The following MGMT variants were observed in gnomAD, a reference collection of about 807,000 sequenced individuals.
MGMT encodes methylated-DNA--protein-cysteine methyltransferase.
Under a neutral mutation model 15.9 loss-of-function variants are expected in MGMT, and 14 were observed. The ratio of observed to expected loss-of-function variants is 0.88; its 90% CI spans 0.58 to 1.37. The LOEUF is 1.37. Among genes scored for constraint, MGMT ranks in the 40% most tolerant of loss-of-function variants. The pLI is 0.00. For synonymous variants in MGMT, 130 were observed against 118.2 expected, an observed-to-expected ratio of 1.10 and a Z score of -0.65; for missense variants, 282 against 268.1, an observed-to-expected ratio of 1.05 and a Z score of -0.36.
chr10:129,539,802 G>A (rs544701476), intron 2 of MGMT, among the ~76,000 whole-genome samples: 4 of 152,274 alleles, frequency 2.6e-5, no homozygotes, highest in African/African-American at 4.8e-5. Context: ...CACCGCGCCC[G>A]GCCTGTGATA....
intron 2 of MGMT, among the ~76,000 whole-genome samples, chr10:129,674,384 C>T (rs1847761144): frequency 6.6e-6 from 1 of 152,146 alleles, no homozygotes; most frequent in South Asian, 2.1e-4. Context: ...GGAAGCCAGT[C>T]ACGAATCGGC....
intron 1 of MGMT, among the ~76,000 whole-genome samples, chr10:129,498,353 C>T (rs1324604404): frequency 2.0e-5 from 3 of 152,206 alleles, no homozygotes; most frequent in Admixed American, 6.5e-5. Context: ...CTCAGGCTTT[C>T]ACCCACTCAT....
chr10:129,603,374 G>C (rs186645073), intron 2 of MGMT, among the ~76,000 whole-genome samples: 1 of 152,200 alleles, frequency 6.6e-6, no homozygotes, highest in Non-Finnish European at 1.5e-5. Context: ...GACTGAGCGC[G>C]TTGGGTTGAT....
chr10:129,716,957 G>C (rs182728374), intron 3 of MGMT, among the ~76,000 whole-genome samples: 1 of 152,202 alleles, frequency 6.6e-6, no homozygotes, highest in Non-Finnish European at 1.5e-5. Context: ...AAGAAAAAAG[G>C]CCGCATTGAC....
At chr10:129,683,572 A>T (rs537992819) in intron 2 of MGMT, among the ~76,000 whole-genome samples, 2 of 152,304 alleles carry the variant, frequency 1.3e-5, no homozygotes, top group African/African-American at 2.4e-5. Flanking sequence ...ATACTTTCTT[A>T]ATTCAGCCTC....
chr10:129,632,987 T>G (rs1264550087), intron 2 of MGMT, among the ~76,000 whole-genome samples: 1 of 152,178 alleles, frequency 6.6e-6, no homozygotes, highest in Non-Finnish European at 1.5e-5. Flanking sequence ...TAAAACAAAA[T>G]GCTGTTTTTC....
chr10:129,498,741 C>T lies in MGMT; in HGVS notation c.-13+31445C>T, dbSNP rs78398961. ...AGGTGTATCTTGTGTTTTCCCTGCCCCAGCCCTGGATTCAGTCACTTCTCC... is the reference window on the plus strand; with the variant it reads ...AGGTGTATCTTGTGTTTTCCCTGCCTCAGCCCTGGATTCAGTCACTTCTCC... On this transcript the variant is annotated intron_variant, in intron 1 of 4. Coordinates refer to ENST00000651593, the MANE Select transcript of MGMT (RefSeq NM_002412.5). Among the ~76,000 whole-genome samples the T allele has an allele frequency of 3.5e-3, 540 of 152,192 alleles. 6 individuals carry two copies. Among genetic ancestry groups the T allele is most frequent in the African/African-American group, 0.012 (509 of 41,534 alleles).
intron 2 of MGMT, among the ~76,000 whole-genome samples, chr10:129,543,020 A>C (rs1184477417): frequency 1.3e-5 from 2 of 152,310 alleles, no homozygotes; most frequent in East Asian, 3.9e-4. Flanking sequence ...CTCGTCTTTC[A>C]GGTTGATGGC....
intron 2 of MGMT, among the ~76,000 whole-genome samples, chr10:129,686,539 T>G (rs1356082262): frequency 1.3e-5 from 2 of 152,148 alleles, no homozygotes; most frequent in Non-Finnish European, 2.9e-5. Flanking sequence ...CACATCCGAC[T>G]AATTTTTGTA....
intron 3 of MGMT, among the ~76,000 whole-genome samples, chr10:129,744,469 C>T (rs114962516): frequency 0.013 from 1,963 of 152,338 alleles, 40 homozygotes; most frequent in African/African-American, 0.044. Context: ...GCAGGTCACC[C>T]ACTGGCTGGC....
intron 3 of MGMT, among the ~76,000 whole-genome samples, chr10:129,752,219 G>A (rs537071658): frequency 1.3e-5 from 2 of 151,950 alleles, no homozygotes; most frequent in African/African-American, 4.8e-5. Context: ...TTTGTGAATT[G>A]ACCCTCTCAC....
rs188943624 is a variant in MGMT at position 129,744,190 on chromosome 10, G to A, written c.275-15012G>A. Among the ~76,000 whole-genome samples the A allele has an allele frequency of 3.5e-3, 527 of 152,322 alleles. 7 individuals are homozygous for A. The highest frequency in any genetic ancestry group is 0.012 in the African/African-American group (501 of 41,566). The stretch of plus-strand genomic sequence containing the variant: ...CCAGGGGAGTCTTGCTTAGGGGTCA[G>A]TGAGCGCTGGGACTCAGTCTGGCTC... On this transcript the variant is annotated intron_variant, in intron 3 of 4. Transcript: ENST00000651593.
chr10:129,503,428 T>C (rs1318442105), intron 1 of MGMT, among the ~76,000 whole-genome samples: 1 of 152,244 alleles, frequency 6.6e-6, no homozygotes, highest in Non-Finnish European at 1.5e-5. Flanking sequence ...AAATGTGAGA[T>C]AGCACCAAAA....
intron 2 of MGMT, among the ~76,000 whole-genome samples, chr10:129,660,276 A>G (rs777469140): frequency 1.6e-4 from 25 of 151,584 alleles, no homozygotes; most frequent in Non-Finnish European, 2.9e-4. Context: ...TTTTGATAGC[A>G]TGGGGTGGTA....
At position 129,741,996 on chromosome 10, in the gene MGMT, C is replaced by T. The variant is rs114019660; in HGVS notation, c.275-17206C>T. Among the ~76,000 whole-genome samples the T allele has an allele frequency of 9.8e-3, 1,495 of 152,278 alleles. 18 individuals carry two copies. The highest frequency in any genetic ancestry group is 0.033 in the African/African-American group (1,372 of 41,556). On this transcript the variant is annotated intron_variant, in intron 3 of 4. Coordinates refer to ENST00000651593, the MANE Select transcript of MGMT (RefSeq NM_002412.5). ...GCTTTGCAAAGTGGTTGTCAGGGCT[C>T]ACTGAGGGGCTCTGGGGAGACTTTG...
intron 3 of MGMT, among the ~76,000 whole-genome samples, chr10:129,744,637 G>T (rs1032363508): frequency 2.0e-5 from 3 of 152,214 alleles, no homozygotes; most frequent in Non-Finnish European, 4.4e-5. Flanking sequence ...AGGCCCTATG[G>T]CTTTCCTGCG....
intron 3 of MGMT, among the ~76,000 whole-genome samples, chr10:129,733,593 G>T (rs1848527142): frequency 6.6e-6 from 1 of 151,894 alleles, no homozygotes; most frequent in South Asian, 2.1e-4. Flanking sequence ...TTTGTCTTTT[G>T]TTGCCATTGC....
chr10:129,508,518 TTC>T (rs1258490445), intron 1 of MGMT, among the ~76,000 whole-genome samples: 1 of 119,790 alleles, frequency 8.3e-6, no homozygotes, highest in Non-Finnish European at 1.8e-5. Context: ...TTTTCTTTCT[TTC>T]TTTTTTTTTT....
intron 2 of MGMT, among the ~76,000 whole-genome samples, chr10:129,644,268 G>C (rs1218544711): frequency 6.6e-5 from 10 of 152,220 alleles, no homozygotes; most frequent in Non-Finnish European, 1.5e-4. Context: ...TGGTGAGTGA[G>C]TGAGTACATT....
Sources: allele counts gnomAD v4.1 joint callset (sites outside exome capture counted in the v4.1 genomes callset), GRCh38; gene constraint gnomAD v4.1.1; transcripts MANE v1.5; gene names NCBI Gene and HGNC (gene_info 2026-07-23, HGNC 2026-07-21).